LIG1: variants seen among roughly 807,000 people sequenced by gnomAD.
LIG1 encodes DNA ligase 1.
Under a neutral mutation model 115.7 loss-of-function variants are expected in LIG1, and 70 were observed. The ratio of observed to expected loss-of-function variants is 0.60; its 90% CI spans 0.50 to 0.74. The LOEUF (loss-of-function observed/expected upper bound fraction) is 0.74. Among genes scored for constraint, LIG1 ranks in the 30% least tolerant of loss-of-function variants. LIG1 has a pLI of 0.00. For synonymous variants in LIG1, 487 were observed against 495.3 expected (o/e 0.98, Z 0.22); for missense variants, 1,115 against 1,225.6 (o/e 0.91, Z 1.35).
intron 17 of LIG1, chr19:48,133,549 T>C: frequency 3.1e-6 from 1 of 318,476 alleles, no homozygotes; most frequent in South Asian, 3.0e-5. Context: ...CTCTGGACAC[T>C]TCTGTGTGAC....
Position 48,138,249 on chromosome 19 carries a change from T to A in LIG1, c.1088-561A>T, listed in dbSNP as rs548438354. 1.6e-3 allele frequency among the ~76,000 whole-genome samples: 240 copies of A among 152,248 alleles called. 1 individual carries two copies. The highest frequency in any genetic ancestry group is 5.5e-3 in the African/African-American group (230 of 41,534). Reference sequence around the variant, plus strand: ...CGGTGACAGCTGTGACAAGCAGCTCTCAACCTATCAGAACCAACACACCCT... The same window carrying A: ...CGGTGACAGCTGTGACAAGCAGCTCACAACCTATCAGAACCAACACACCCT... On this transcript the variant is annotated intron_variant, in intron 12 of 27. Transcript: ENST00000263274.
chr19:48,163,838 A>G (rs2123052363), intron 2 of LIG1, among the ~76,000 whole-genome samples: 1 of 151,720 alleles, frequency 6.6e-6, no homozygotes, highest in South Asian at 2.1e-4. Flanking sequence ...CCAGCTACTC[A>G]GGAGGCTGAG....
rs944755658 is a variant in LIG1 at position 48,137,292 on chromosome 19, A to G, written c.1255-208T>C. Among the ~76,000 whole-genome samples the G allele has an allele frequency of 6.6e-6, 1 of 152,192 alleles. No homozygotes were observed. Reference sequence around the variant, plus strand: ...TTGCCTCCCTCTCCCTTTATCCAGGAAGTATTTACTGAGTCCTGTCATGTG... The same window carrying G: ...TTGCCTCCCTCTCCCTTTATCCAGGGAGTATTTACTGAGTCCTGTCATGTG... On this transcript the variant is annotated intron_variant, in intron 13 of 27. Transcript: ENST00000263274. The surrounding 1 kb of genome is among the most constrained non-coding windows in gnomAD (Gnocchi z 4.3).
intron 25 of LIG1, among the ~76,000 whole-genome samples, chr19:48,118,743 A>G (rs2122303564): frequency 6.6e-6 from 1 of 152,256 alleles, no homozygotes; most frequent in South Asian, 2.1e-4. Context: ...GAGTATGAAA[A>G]TAAACTAATA....
At chr19:48,125,923 G>A (rs1053428176) in intron 21 of LIG1, among the ~76,000 whole-genome samples, 4 of 150,054 alleles carry the variant, frequency 2.7e-5, no homozygotes, top group Non-Finnish European at 5.9e-5. Context: ...AGGAGGCGGA[G>A]GTTGCAGTGA....
chr19:48,133,744 C>T (rs1360502250), intron 17 of LIG1, among the ~76,000 whole-genome samples: 2 of 152,150 alleles, frequency 1.3e-5, no homozygotes, highest in African/African-American at 4.8e-5. Flanking sequence ...CACAGGCACA[C>T]GCCACCACGC....
chr19:48,164,030 G>A (rs774102621), intron 2 of LIG1, among the ~76,000 whole-genome samples: 2 of 151,512 alleles, frequency 1.3e-5, no homozygotes, highest in Non-Finnish European at 2.9e-5. Context: ...ATGGAGTTCA[G>A]TTAAGAGTAA....
chr19:48,168,841 G>T (rs191965090), intron 1 of LIG1, among the ~76,000 whole-genome samples: 101 of 152,212 alleles, frequency 6.6e-4, no homozygotes, highest in Admixed American at 1.6e-3. Flanking sequence ...CTTTAAATGG[G>T]CACTTTAAAT....
intron 2 of LIG1, among the ~76,000 whole-genome samples, chr19:48,163,976 G>A (rs1326516117): frequency 8.0e-5 from 12 of 150,158 alleles, no homozygotes; most frequent in African/African-American, 2.0e-4. Flanking sequence ...GTTGGAAGGC[G>A]TGAACATTAA....
Position 48,149,835 on chromosome 19 carries a change from C to T in LIG1, c.704G>A (p.Arg235Gln), listed in dbSNP as rs1040186184. 8 of 1,613,776 alleles carry T rather than the reference C, an allele frequency of 5.0e-6. No individual in the cohort carries two copies. The Admixed American group carries it at 6.7e-5, about 13-fold the overall frequency. ...CACTTCTTTTTTGACTGCTGGCTTCCGGGGGGCTAGGAATGAAGACAGAAA... is the reference window on the plus strand; with the variant it reads ...CACTTCTTTTTTGACTGCTGGCTTCTGGGGGGCTAGGAATGAAGACAGAAA... ...PKTLSSFFTPRKPAVKKEVKE... is the reference protein window; with the variant it reads ...PKTLSSFFTPQKPAVKKEVKE... The change falls in exon 9 of 28, where the codon CGG (arginine) becomes CAG (glutamine). Residue 235 changes from arginine to glutamine, a missense_variant. By Grantham distance (43) the Arg-to-Gln change is conservative. Transcript: ENST00000263274.
intron 2 of LIG1, among the ~76,000 whole-genome samples, chr19:48,163,246 T>G (rs1356812295): frequency 6.8e-6 from 1 of 147,726 alleles, no homozygotes; most frequent in Non-Finnish European, 1.5e-5. Flanking sequence ...TGAGATGGAG[T>G]TTTCACTCTT....
chr19:48,162,534 T>C (rs377329294), intron 2 of LIG1, among the ~76,000 whole-genome samples, 183 bp from the exon 3 acceptor site: 5 of 150,480 alleles, frequency 3.3e-5, no homozygotes, highest in East Asian at 2.0e-4. Flanking sequence ...CCTGGGTGCA[T>C]GCCATTCTCC....
chr19:48,133,229 T>G (rs1055813019), intron 17 of LIG1, 132 bp from the exon 18 acceptor site: 10 of 691,088 alleles, frequency 1.4e-5, no homozygotes, highest in African/African-American at 3.5e-5. Flanking sequence ...GCCTCCCACG[T>G]TTTAGAAGGG....
chr19:48,161,852 A>C (rs3730858), intron 3 of LIG1, among the ~76,000 whole-genome samples: 2 of 135,944 alleles, frequency 1.5e-5, no homozygotes, highest in African/African-American at 5.6e-5. Flanking sequence ...TTGAGATGGA[A>C]TCTTGCTCTG....
chr19:48,170,270 G>A lies in LIG1; in HGVS notation c.-87C>T, dbSNP rs1038792560. 3 of 455,062 alleles carry A rather than the reference G, an allele frequency of 6.6e-6. No individual in the cohort carries two copies. The highest frequency in any genetic ancestry group is 2.4e-5 in the Admixed American group (1 of 42,506). 28.2% of individuals were successfully genotyped at this position (455,062 alleles called of 1,614,324 possible). On this transcript the variant is annotated 5_prime_UTR_variant, in exon 1 of 28. Transcript: ENST00000263274. ...CGTTGGTCCCGCGCGCCGCTGCCCG[G>A]GCAACACACTCAGATCCGCCAGGCG...
Position 48,137,533 on chromosome 19 carries a change from T to C in LIG1, c.1243A>G (p.Thr415Ala). The C allele has an allele frequency of 6.2e-7, 1 of 1,612,822 alleles. No homozygotes were observed. The highest frequency in any genetic ancestry group is 8.5e-7 in the Non-Finnish European group (1 of 1,179,992). ...FSKFRDIARL[T>A]GSASTAKKID... is the part of the protein sequence containing the mutation. ...CCCGCCCCACTCACAGCACTGCCAG[T>C]GAGCCTGGCGATGTCGCGGAACTTG... Residue 415 changes from threonine (T) to alanine (A), a missense_variant, in exon 13 of 28, where the codon ACT becomes GCT. Coordinates refer to ENST00000263274, the MANE Select transcript of LIG1 (RefSeq NM_000234.3). This position sits in a 1 kb window ranked among gnomAD's most constrained non-coding sequence, Gnocchi z 4.3.
chr19:48,137,198 C>A lies in LIG1; in HGVS notation c.1255-114G>T. 1 of 910,146 alleles carries A rather than the reference C, an allele frequency of 1.1e-6. No homozygotes were observed. The allele number at this position is 910,146 out of a possible 1,614,324, so 56.4% of individuals were successfully genotyped here. A position where few individuals can be genotyped will look rare whatever the true frequency, so the allele number is the denominator to read the frequency against. ...GGAATACCTGCCCTCCTTCCCTCAC[C>A]CCATCCCCATGTCCCAGCTCCCATG... On this transcript the variant is annotated intron_variant, in intron 13 of 27. Transcript: ENST00000263274. This position sits in a 1 kb window ranked among gnomAD's most constrained non-coding sequence, Gnocchi z 4.3.
At chr19:48,136,593 G>C (rs536159611) in intron 14 of LIG1, among the ~76,000 whole-genome samples, 1 of 152,328 alleles carries the variant, frequency 6.6e-6, no homozygotes, top group South Asian at 2.1e-4. Flanking sequence ...CAGTCTCACA[G>C]AGTTGCTGGT....
intron 21 of LIG1, among the ~76,000 whole-genome samples, chr19:48,125,569 G>A (rs77675324): frequency 0.011 from 1,729 of 152,298 alleles, 28 homozygotes; most frequent in African/African-American, 0.039. Context: ...CAAAAGACAC[G>A]CGGAGGCAAG....
Sources: gnomAD v4.1 joint callset for allele counts (sites outside exome capture counted in the v4.1 genomes callset) on GRCh38, gnomAD v4.1.1 for gene constraint, Gnocchi (gnomAD v3.1) non-coding constraint, MANE v1.5 for transcripts, NCBI Gene and HGNC (gene_info 2026-07-23, HGNC 2026-07-21) for gene names.